The following NPAS3 variants were observed in gnomAD, a reference collection of about 807,000 sequenced individuals.
The protein encoded by NPAS3 is neuronal PAS domain protein 3.
In NPAS3, 14 loss-of-function variants were observed where a neutral mutation model predicts 73.1. The observed-to-expected ratio is 0.19, with a 90% CI of 0.13 to 0.30. The LOEUF is 0.30. Ranked by LOEUF, NPAS3 falls within the 10% of genes least tolerant of loss-of-function variation. The pLI is 1.00. For synonymous variants in NPAS3, 620 were observed against 541.5 expected (o/e 1.14, Z -2.01); for missense variants, 1,096 against 1,250.0 (o/e 0.88, Z 1.86).
intron 5 of NPAS3, among the ~76,000 whole-genome samples, chr14:33,648,493 T>A (rs1022577857): frequency 6.6e-6 from 1 of 152,254 alleles, no homozygotes; most frequent in Non-Finnish European, 1.5e-5. Context: ...GAAGGCTTTA[T>A]GGAAATCTAA....
chr14:33,731,956 C>T (rs1258538778), intron 6 of NPAS3, among the ~76,000 whole-genome samples: 1 of 152,096 alleles, frequency 6.6e-6, no homozygotes, highest in Non-Finnish European at 1.5e-5. Flanking sequence ...GCTTTGACCA[C>T]TTAATCCAGC....
At chr14:33,355,732 A>G (rs1490759232) in intron 3 of NPAS3, among the ~76,000 whole-genome samples, 1 of 151,836 alleles carries the variant, frequency 6.6e-6, no homozygotes, top group Non-Finnish European at 1.5e-5. Context: ...TCTTCCCTTC[A>G]CCTGGACATC....
chr14:33,530,191 AACAG>A (rs767093942), intron 4 of NPAS3, among the ~76,000 whole-genome samples: 10 of 152,176 alleles, frequency 6.6e-5, no homozygotes, highest in Non-Finnish European at 1.3e-4. Flanking sequence ...TAATTATAAA[AACAG>A]ACAGACCTAG....
chr14:33,026,089 C>T (rs908255068), intron 1 of NPAS3, among the ~76,000 whole-genome samples: 2 of 152,150 alleles, frequency 1.3e-5, no homozygotes, highest in African/African-American at 4.8e-5. Flanking sequence ...ACAAAAGGAA[C>T]AAAATTCCAG....
At chr14:33,331,580 A>C (rs997164645) in intron 3 of NPAS3, among the ~76,000 whole-genome samples, 1 of 146,326 alleles carries the variant, frequency 6.8e-6, no homozygotes, top group Non-Finnish European at 1.5e-5. Flanking sequence ...ACTGTCAGCT[A>C]TAACTCCTCG....
At chr14:33,801,158 G>T, downstream of NPAS3, 1 of 1,535,444 alleles carries the variant, frequency 6.5e-7, no homozygotes, top group Non-Finnish European at 8.7e-7. Context: ...AGGAGGCATC[G>T]TCGGCATTTT....
chr14:33,533,476 G>A (rs2054128274), intron 4 of NPAS3, among the ~76,000 whole-genome samples: 1 of 152,126 alleles, frequency 6.6e-6, no homozygotes, highest in Admixed American at 6.6e-5. Context: ...ATCAAATATT[G>A]GTGAGAATGT....
At chr14:33,124,612 G>A (rs768224608) in intron 2 of NPAS3, among the ~76,000 whole-genome samples, 17 of 152,050 alleles carry the variant, frequency 1.1e-4, no homozygotes, top group Non-Finnish European at 2.4e-4. Flanking sequence ...AAGAAATATA[G>A]AGAAACATGA....
intron 1 of NPAS3, among the ~76,000 whole-genome samples, chr14:32,978,824 T>C (rs2037789705): frequency 6.6e-6 from 1 of 152,218 alleles, no homozygotes; most frequent in Non-Finnish European, 1.5e-5. Context: ...CTCTCCCTTA[T>C]GACAGTGTCA....
At chr14:33,382,123 C>T (rs1168525938) in intron 4 of NPAS3, among the ~76,000 whole-genome samples, 1 of 152,096 alleles carries the variant, frequency 6.6e-6, no homozygotes, top group Non-Finnish European at 1.5e-5. Context: ...AGCACAAAGT[C>T]ATTTTCCCCC....
chr14:33,483,225 A>G (rs2051414839), intron 4 of NPAS3, among the ~76,000 whole-genome samples: 1 of 152,038 alleles, frequency 6.6e-6, no homozygotes, highest in African/African-American at 2.4e-5. Flanking sequence ...CAGAAAAATG[A>G]CTCCCATCTT....
intron 2 of NPAS3, among the ~76,000 whole-genome samples, chr14:33,064,314 T>C (rs2041208269): frequency 6.6e-6 from 1 of 152,208 alleles, no homozygotes; most frequent in African/African-American, 2.4e-5. Flanking sequence ...AATGAGAAGA[T>C]AAACAATTAA....
chr14:32,943,939 C>T (rs2036145174), intron 1 of NPAS3, among the ~76,000 whole-genome samples: 1 of 152,184 alleles, frequency 6.6e-6, no homozygotes, highest in Non-Finnish European at 1.5e-5. Flanking sequence ...ATCTGCCTGC[C>T]TCAGCCTCCC....
chr14:33,000,566 AC>A (rs2038770520), intron 1 of NPAS3, among the ~76,000 whole-genome samples: 2 of 152,250 alleles, frequency 1.3e-5, no homozygotes, highest in Admixed American at 1.3e-4. Context: ...TGAAGCACTG[AC>A]AGCGTAGGGC....
In NPAS3 at chr14:33,650,418, C is replaced by G. The variant is rs117935156; in HGVS notation, c.559-25793C>G. Among the ~76,000 whole-genome samples the G allele has an allele frequency of 2.6e-3, 394 of 152,202 alleles. 5 individuals carry two copies. The East Asian group carries it at 0.039, about 15-fold the overall frequency. The stretch of plus-strand genomic sequence containing the variant: ...CCTTTGTAGCTAGAGACATCCCTCA[C>G]CCCAATTGAAGAAAAAAAAACCCTC... On this transcript the variant is annotated intron_variant, in intron 5 of 11. Coordinates refer to ENST00000356141, the Ensembl canonical transcript of NPAS3.
chr14:33,692,736 C>A (rs573822548), intron 6 of NPAS3, among the ~76,000 whole-genome samples: 1 of 149,982 alleles, frequency 6.7e-6, no homozygotes, highest in South Asian at 2.1e-4. Context: ...AATTAACAAC[C>A]CTTATTTGGG....
At chr14:33,434,700 G>A (rs1266608576) in intron 4 of NPAS3, among the ~76,000 whole-genome samples, 3 of 152,102 alleles carry the variant, frequency 2.0e-5, no homozygotes, top group Non-Finnish European at 2.9e-5. Flanking sequence ...GCTACATAAA[G>A]CTTTGTGTTA....
chr14:33,738,624 C>T (rs547970205), intron 7 of NPAS3, among the ~76,000 whole-genome samples: 18 of 152,202 alleles, frequency 1.2e-4, no homozygotes, highest in Admixed American at 3.3e-4. Context: ...TGCCACACCC[C>T]CTTCCTCAGG....
intron 7 of NPAS3, among the ~76,000 whole-genome samples, chr14:33,740,668 T>C (rs998881162): frequency 1.2e-4 from 18 of 152,206 alleles, no homozygotes; most frequent in African/African-American, 4.3e-4. Flanking sequence ...ATCGGTGCTT[T>C]ACTAAAACTG....
Sources: gnomAD v4.1 joint callset for allele counts (sites outside exome capture counted in the v4.1 genomes callset) on GRCh38, gnomAD v4.1.1 for gene constraint, MANE v1.5 for transcripts, NCBI Gene and HGNC (gene_info 2026-07-23, HGNC 2026-07-21) for gene names.